Variants in ABCB5 observed in about 807,000 individuals in gnomAD.
The protein encoded by ABCB5 is ATP binding cassette subfamily B member 5, also known as ATP-binding cassette sub-family B member 5.
Under a neutral mutation model 144.2 loss-of-function variants are expected in ABCB5, and 155 were observed. That is an observed-to-expected ratio of 1.08 (90% CI 0.94 to 1.23). The LOEUF (loss-of-function observed/expected upper bound fraction) is 1.23, where lower values mean the gene tolerates loss of function less well. ABCB5 is among the 50% of genes most tolerant of loss of function. The pLI is 0.00. For synonymous variants in ABCB5, 610 were observed against 528.6 expected, an observed-to-expected ratio of 1.15 and a Z score of -2.11; for missense variants, 1,830 against 1,520.8, an observed-to-expected ratio of 1.20 and a Z score of -3.38.
intron 24 of ABCB5, 139 bp from the exon 25 acceptor site, chr7:20,742,738 T>C (rs1782600078): frequency 1.3e-6 from 1 of 764,978 alleles, no homozygotes; most frequent in Admixed American, 2.5e-5. Flanking sequence ...TCAACAGCTC[T>C]ACAGAGATGC....
At position 20,742,966 on chromosome 7, in the gene ABCB5, C is replaced by T; in HGVS notation, c.3114C>T (p.Leu1038=). Residue 1038 remains leucine, a synonymous_variant, in exon 25 of 28, where the codon CTC becomes CTT. Transcript: ENST00000404938. Reference sequence around the variant, plus strand: ...TTTTCATCCTCCGTGGCTTATCCCTCAGTATTGAGCGAGGAAAGACAGTAG... The same window carrying T: ...TTTTCATCCTCCGTGGCTTATCCCTTAGTATTGAGCGAGGAAAGACAGTAG... ...PDVFILRGLS[L]SIERGKTVAF... is the part of the protein sequence containing the mutation. 1 of 1,614,126 alleles carries T rather than the reference C, an allele frequency of 6.2e-7. No homozygotes were observed.
In ABCB5 at chr7:20,756,295, G is replaced by C. The variant is rs1337800233; in HGVS notation, c.*671G>C. 4 of 152,330 alleles carry C rather than the reference G, an allele frequency of 2.6e-5. No homozygotes were observed. The highest frequency in any genetic ancestry group is 5.9e-5 in the Non-Finnish European group (4 of 68,064). The allele number at this position is 152,330 out of a possible 1,614,324, so 9.4% of individuals were successfully genotyped here. A position where few individuals can be genotyped will look rare whatever the true frequency, so the allele number is the denominator to read the frequency against. On this transcript the variant is annotated 3_prime_UTR_variant, in exon 28 of 28. Coordinates refer to ENST00000404938, the MANE Select transcript of ABCB5 (RefSeq NM_001163941.2). ...ATTCATTATTCCAAACCTTGGGTTT[G>C]GCAGTATAAGTCACAGGCCTACCTG...
At position 20,615,727 on chromosome 7, in the gene ABCB5, C is replaced by G. The variant is rs554561593; in HGVS notation, c.-132C>G. ...TGGAAATTCTGGCAAAAAATTGATA[C>G]CTTGTATCTGAAAGCTTTATCCTAT... On this transcript the variant is annotated 5_prime_UTR_variant, in exon 1 of 28. Coordinates refer to ENST00000404938, the MANE Select transcript of ABCB5 (RefSeq NM_001163941.2). 1 of 152,046 alleles carries G rather than the reference C, an allele frequency of 6.6e-6. No individual in the cohort carries two copies. The highest frequency in any genetic ancestry group is 2.4e-5 in the African/African-American group (1 of 41,358). The allele number at this position is 152,046 out of a possible 1,614,324, so 9.4% of individuals were successfully genotyped here.
chr7:20,635,269 T>C (rs992043161), intron 5 of ABCB5, among the ~76,000 whole-genome samples: 1 of 152,124 alleles, frequency 6.6e-6, no homozygotes, highest in African/African-American at 2.4e-5. Flanking sequence ...TATGTGTCTA[T>C]TATTATACCA....
At position 20,704,805 on chromosome 7, in the gene ABCB5, G is replaced by GTTTTT. The variant is rs1328061284; in HGVS notation, c.2419_2420insTTTTT (p.Gly807ValfsTer12). 1 of 1,610,074 alleles carries GTTTTT rather than the reference G, an allele frequency of 6.2e-7. No individual in the cohort carries two copies. Among genetic ancestry groups the GTTTTT allele is most frequent in the Non-Finnish European group, 8.5e-7 (1 of 1,176,946 alleles). ...AGCCATAGATATAGCACAAATTCAA[G>GTTTTT]GAGTATGTATATTGTTTTTATTGTA... On this transcript the variant is annotated frameshift_variant and splice_region_variant, in exon 20 of 28. Coordinates refer to ENST00000404938, the MANE Select transcript of ABCB5 (RefSeq NM_001163941.2). LOFTEE classifies it high-confidence loss of function.
At chr7:20,664,981 A>G (rs927662173) in intron 14 of ABCB5, among the ~76,000 whole-genome samples, 1 of 152,234 alleles carries the variant, frequency 6.6e-6, no homozygotes, top group Admixed American at 6.5e-5. Flanking sequence ...GTATTAAATG[A>G]TGATAAATAA....
intron 23 of ABCB5, among the ~76,000 whole-genome samples, chr7:20,737,484 T>C (rs1782418867): frequency 6.6e-6 from 1 of 152,250 alleles, no homozygotes; most frequent in South Asian, 2.1e-4. Context: ...CTAACAAGGA[T>C]GTCTGCCTCT....
Position 20,651,441 on chromosome 7 carries a change from A to C in ABCB5, c.1354A>C (p.Ile452Leu), listed in dbSNP as rs961229820. 1.2e-6 allele frequency: 2 copies of C among 1,614,114 alleles called. No homozygotes were observed. Among genetic ancestry groups the C allele is most frequent in the Non-Finnish European group, 1.7e-6 (2 of 1,179,998 alleles). ...GCAGATCATGGTGGATGAGAATGAC[A>C]TCAGAGCTTTAAATGTGCGGCATTA... Reference protein sequence around the residue: ...DGFIMVDENDIRALNVRHYRD... With the variant: ...DGFIMVDENDLRALNVRHYRD... Residue 452 changes from isoleucine to leucine, a missense_variant, in exon 13 of 28, where the codon ATC (isoleucine) becomes CTC (leucine). Transcript: ENST00000404938.
intron 7 of ABCB5, 61 bp downstream of exon 7, chr7:20,643,693 T>C (rs1020087592): frequency 6.4e-7 from 1 of 1,573,020 alleles, no homozygotes; most frequent in Non-Finnish European, 8.7e-7. Flanking sequence ...AATGACTCAC[T>C]GAGTTTGTTC....
At chr7:20,736,913 G>C (rs1367790418) in intron 23 of ABCB5, among the ~76,000 whole-genome samples, 1 of 152,138 alleles carries the variant, frequency 6.6e-6, no homozygotes, top group East Asian at 1.9e-4. Context: ...CCCTAGGCCG[G>C]GCGCAGTGGC....
Position 20,648,120 on chromosome 7 carries a change from T to C in ABCB5, c.1206+42T>C, listed in dbSNP as rs771212756. The C allele has an allele frequency of 1.5e-5, 18 of 1,203,546 alleles. No individual in the cohort carries two copies. In the East Asian group the frequency reaches 3.8e-4, roughly 25 times the overall value. The allele number at this position is 1,203,546 out of a possible 1,614,324, so 74.6% of individuals were successfully genotyped here. A position where few individuals can be genotyped will look rare whatever the true frequency, so the allele number is the denominator to read the frequency against. ...TACGCAATTGTGCAGTTTTCTGATA[T>C]TATCTTCTACTGGCCAAGATCTTCT... On this transcript the variant is annotated intron_variant, in intron 11 of 27. Coordinates refer to ENST00000404938, the MANE Select transcript of ABCB5 (RefSeq NM_001163941.2).
intron 5 of ABCB5, among the ~76,000 whole-genome samples, chr7:20,637,722 G>C (rs779263637): frequency 5.3e-5 from 8 of 151,936 alleles, no homozygotes; most frequent in Non-Finnish European, 1.2e-4. Context: ...GCCAGGCCTT[G>C]ATTACTTAAT....
At chr7:20,673,283 G>T (rs929233562) in intron 14 of ABCB5, among the ~76,000 whole-genome samples, 1 of 151,982 alleles carries the variant, frequency 6.6e-6, no homozygotes, top group African/African-American at 2.4e-5. Context: ...CAATTGTGTT[G>T]AGTTGGTTGA....
At chr7:20,738,600 A>G (rs904458949) in intron 23 of ABCB5, among the ~76,000 whole-genome samples, 1 of 152,260 alleles carries the variant, frequency 6.6e-6, no homozygotes, top group African/African-American at 2.4e-5. Flanking sequence ...TCTACTGTGT[A>G]AATCCAGATC....
chr7:20,660,858 C>T (rs1784981506), intron 14 of ABCB5, among the ~76,000 whole-genome samples: 1 of 152,162 alleles, frequency 6.6e-6, no homozygotes, highest in South Asian at 2.1e-4. Context: ...CTCACATATC[C>T]CTTCCATCCC....
At chr7:20,679,485 A>G (rs796258449) in intron 14 of ABCB5, among the ~76,000 whole-genome samples, 2 of 147,456 alleles carry the variant, frequency 1.4e-5, no homozygotes, top group Non-Finnish European at 3.0e-5. Context: ...AAAAAAAAAA[A>G]AGAGAGAGAG....
At chr7:20,672,170 T>A (rs368992261) in intron 14 of ABCB5, among the ~76,000 whole-genome samples, 34 of 152,312 alleles carry the variant, frequency 2.2e-4, no homozygotes, top group African/African-American at 7.2e-4. Flanking sequence ...GTTTTCTTAT[T>A]ACTGGGTTTT....
At chr7:20,712,719 GCTTC>G (rs1368918766) in intron 20 of ABCB5, among the ~76,000 whole-genome samples, 6 of 148,160 alleles carry the variant, frequency 4.0e-5, no homozygotes, top group South Asian at 2.2e-4. Context: ...CTTTTTTATA[GCTTC>G]CTTATCTCTT....
rs1380192937 is a variant in ABCB5 at position 20,646,137 on chromosome 7, C to T, written c.980C>T (p.Ala327Val). The change falls in exon 9 of 28, where the codon GCT becomes GTT. Residue 327 changes from alanine (A) to valine (V), a missense_variant and splice_region_variant. Ala to Val is a moderately conservative substitution (Grantham distance 64). Transcript: ENST00000404938. ...GGATATACCATCGGGACTGTTCTTG[C>T]TGTAAGTCTTGTTTGAGAACAAGGT... ...EPGYTIGTVLAVFFSVIHSSY... is the reference protein window; with the variant it reads ...EPGYTIGTVLVVFFSVIHSSY... The T allele has an allele frequency of 6.2e-7, 1 of 1,609,012 alleles. No individual in the cohort carries two copies. The highest frequency in any genetic ancestry group is 2.2e-5 in the East Asian group (1 of 44,850).
Sources: gnomAD v4.1 joint callset for allele counts (sites outside exome capture counted in the v4.1 genomes callset) on GRCh38, gnomAD v4.1.1 for gene constraint, MANE v1.5 for transcripts, NCBI Gene and HGNC (gene_info 2026-07-23, HGNC 2026-07-21) for gene names.